The following RAD54B variants were observed in gnomAD, a reference collection of about 807,000 sequenced individuals.
RAD54B encodes the protein RAD54 homolog B, also known as DNA repair and recombination protein RAD54B.
Under a neutral mutation model 95.8 loss-of-function variants are expected in RAD54B, and 78 were observed. That is an observed-to-expected ratio of 0.81 (90% CI 0.68 to 0.98). RAD54B has a LOEUF of 0.98. Ranked by LOEUF, RAD54B falls within the 50% of genes least tolerant of loss-of-function variation. RAD54B has a pLI of 0.00. For missense variants in RAD54B, 957 were observed against 1,056.6 expected, an observed-to-expected ratio of 0.91 and a Z score of 1.31; for synonymous variants, 328 against 354.9, an observed-to-expected ratio of 0.92 and a Z score of 0.85.
At chr8:94,443,887 T>C (rs1812457170) in intron 3 of RAD54B, among the ~76,000 whole-genome samples, 1 of 151,980 alleles carries the variant, frequency 6.6e-6, no homozygotes, top group Non-Finnish European at 1.5e-5. Context: ...ACACATTGTA[T>C]GCATATATGA....
At chr8:94,464,041 G>C (rs1369866485) in intron 2 of RAD54B, among the ~76,000 whole-genome samples, 2 of 151,972 alleles carry the variant, frequency 1.3e-5, no homozygotes, top group East Asian at 3.9e-4. Context: ...CTAATGAATA[G>C]ATATATAAAT....
rs777020825 is a variant in RAD54B at position 94,378,266 on chromosome 8, T to G, written c.2429A>C (p.Lys810Thr). ...ACTTTCATGTAATGTGAACAAATTT[T>G]TAAGTTCTTCTACTGAAAACTGAAT... is the stretch of plus-strand genomic sequence containing the variant. ...EHIQFSVEEL[K>T]NLFTLHESSD... The change falls in exon 14 of 15, where the codon AAA becomes ACA. Residue 810 changes from lysine (K) to threonine (T), a missense_variant. Transcript: ENST00000336148. 4.3e-6 allele frequency: 7 copies of G among 1,613,638 alleles called. No individual in the cohort carries two copies. Among genetic ancestry groups the G allele is most frequent in the Non-Finnish European group, 5.1e-6 (6 of 1,179,754 alleles).
At position 94,443,816 on chromosome 8, in the gene RAD54B, C is replaced by T. The variant is rs1426284205; in HGVS notation, c.304+14452G>A. Among the ~76,000 whole-genome samples, 4 of 151,854 alleles carry T rather than the reference C, an allele frequency of 2.6e-5. 1 individual carries two copies. Among genetic ancestry groups the T allele is most frequent in the South Asian group, 4.1e-4 (2 of 4,826 alleles). ...TGTTTTTCCCAGGTGTATCCTTAAA[C>T]TTTGGCTTAATAAACCTCTGATTGA... On this transcript the variant is annotated intron_variant, in intron 3 of 14. Transcript: ENST00000336148.
At chr8:94,407,787 T>A in intron 4 of RAD54B, 67 bp from the exon 5 acceptor site, 1 of 1,389,248 alleles carries the variant, frequency 7.2e-7, no homozygotes, top group Non-Finnish European at 9.8e-7. Flanking sequence ...CCCGTAACTG[T>A]ACAAAAAAAC....
chr8:94,383,766 A>G (rs926850975), intron 11 of RAD54B, among the ~76,000 whole-genome samples: 15 of 152,344 alleles, frequency 9.8e-5, no homozygotes, highest in African/African-American at 3.6e-4. Flanking sequence ...CAAAAAGCAC[A>G]TTAAAAGGTG....
At chr8:94,430,537 AG>A in intron 3 of RAD54B, 1 of 796,026 alleles carries the variant, frequency 1.3e-6, no homozygotes, top group Non-Finnish European at 1.5e-6. Context: ...TGACACCCCC[AG>A]GGTTTCTAAT....
chr8:94,445,422 T>C (rs1383605927), intron 3 of RAD54B, among the ~76,000 whole-genome samples: 1 of 152,144 alleles, frequency 6.6e-6, no homozygotes, highest in Non-Finnish European at 1.5e-5. Flanking sequence ...CCTCAGTTGC[T>C]CCCCTTCCGT....
At chr8:94,393,904 T>C in intron 8 of RAD54B, 22 bp from the exon 9 acceptor site, 1 of 1,562,216 alleles carries the variant, frequency 6.4e-7, no homozygotes, top group Non-Finnish European at 8.6e-7. Flanking sequence ...CAAAAATGAG[T>C]AAAAGGTCAA....
intron 6 of RAD54B, 21 bp downstream of exon 6, chr8:94,404,056 A>G (rs1184766860): frequency 1.3e-6 from 2 of 1,545,576 alleles, no homozygotes; most frequent in East Asian, 4.5e-5. Flanking sequence ...ATTAGATTAA[A>G]CAAATGATTT....
intron 3 of RAD54B, among the ~76,000 whole-genome samples, chr8:94,440,729 T>A (rs957939337): frequency 1.3e-5 from 2 of 152,142 alleles, no homozygotes; most frequent in Non-Finnish European, 2.9e-5. Flanking sequence ...AGTTCTGCAG[T>A]GGAGAGGAGC....
At chr8:94,374,824 T>C (rs1018370895) in intron 14 of RAD54B, among the ~76,000 whole-genome samples, 3 of 152,226 alleles carry the variant, frequency 2.0e-5, no homozygotes, top group Non-Finnish European at 4.4e-5. Context: ...ATTTGAATAA[T>C]AGATATATCT....
At chr8:94,459,319 A>C (rs1227618594) in intron 2 of RAD54B, among the ~76,000 whole-genome samples, 1 of 151,084 alleles carries the variant, frequency 6.6e-6, no homozygotes, top group Non-Finnish European at 1.5e-5. Flanking sequence ...TACCCAGCTA[A>C]TGTTTTTTTT....
rs1439102903 is a variant in RAD54B at position 94,378,321 on chromosome 8, C to T, written c.2374G>A (p.Val792Ile). Residue 792 changes from valine to isoleucine, a missense_variant, in exon 14 of 15, where the codon GTT (valine) becomes ATT (isoleucine). Physicochemically the swap from Val to Ile is conservative, Grantham distance 29. Coordinates refer to ENST00000336148, the MANE Select transcript of RAD54B (RefSeq NM_012415.3). ...TCAGATGTCTTGGTGAGGTCGACAA[C>T]TGCCCCACAAAGACCTTGCTTACTG... ...QISKQGLCGA[V>I]VDLTKTSEHI... The T allele has an allele frequency of 6.2e-7, 1 of 1,613,872 alleles. No individual in the cohort carries two copies. Among genetic ancestry groups the T allele is most frequent in the African/African-American group, 1.3e-5 (1 of 74,912 alleles).
rs775317865 is a variant in RAD54B at position 94,432,395 on chromosome 8, C to A, written c.305-21080G>T. 5.8e-6 allele frequency: 9 copies of A among 1,550,426 alleles called. No homozygotes were observed. In the South Asian group the frequency reaches 1.1e-4, roughly 18 times the overall value. Reference sequence around the variant, plus strand: ...TCTCATGCCGAAAAAAATCATCTCTCCTTGGAATAGAAGATGGAGACGATG... The same window carrying A: ...TCTCATGCCGAAAAAAATCATCTCTACTTGGAATAGAAGATGGAGACGATG... On this transcript the variant is annotated intron_variant, in intron 3 of 14. Transcript: ENST00000336148.
intron 3 of RAD54B, among the ~76,000 whole-genome samples, chr8:94,445,977 C>T (rs919964944): frequency 6.6e-6 from 1 of 152,016 alleles, no homozygotes; most frequent in Non-Finnish European, 1.5e-5. Context: ...TAATTGTAGA[C>T]TTGAGATGGT....
In RAD54B at chr8:94,404,045, G is replaced by A. The variant is rs761486202; in HGVS notation, c.944+32C>T. 5.3e-6 allele frequency: 8 copies of A among 1,499,760 alleles called. No individual in the cohort carries two copies. The African/African-American group carries it at 9.8e-5, about 18-fold the overall frequency. 92.9% of individuals were successfully genotyped at this position (1,499,760 alleles called of 1,614,324 possible). On this transcript the variant is annotated intron_variant, in intron 6 of 14. Coordinates refer to ENST00000336148, the MANE Select transcript of RAD54B (RefSeq NM_012415.3). ...GTGTTACAGGTTAAATCAAAATTCA[G>A]ATTAGATTAAACAAATGATTTATTT...
intron 11 of RAD54B, among the ~76,000 whole-genome samples, chr8:94,382,175 AAAGGAC>A (rs2129960955): frequency 6.6e-6 from 1 of 152,222 alleles, no homozygotes; most frequent in Non-Finnish European, 1.5e-5. Flanking sequence ...CTTCAGATAA[AAAGGAC>A]CTACTAAAAA....
intron 3 of RAD54B, chr8:94,430,314 A>G (rs1199475307): frequency 1.1e-6 from 1 of 913,116 alleles, no homozygotes; most frequent in African/African-American, 1.8e-5. Flanking sequence ...CCATCTCAAA[A>G]AAAAAAAAAA....
At chr8:94,417,712 A>G (rs767795473) in intron 3 of RAD54B, among the ~76,000 whole-genome samples, 1 of 152,154 alleles carries the variant, frequency 6.6e-6, no homozygotes, top group Admixed American at 6.5e-5. Context: ...GTCTGGAAAA[A>G]AAAAAACTTG....
Sources: allele counts gnomAD v4.1 joint callset (sites outside exome capture counted in the v4.1 genomes callset), GRCh38; gene constraint gnomAD v4.1.1; transcripts MANE v1.5; gene names NCBI Gene and HGNC (gene_info 2026-07-23, HGNC 2026-07-21).